The following TENM4 variants were observed in gnomAD, a reference collection of about 807,000 sequenced individuals.
The protein encoded by TENM4 is teneurin-4.
In TENM4, 82 loss-of-function variants were observed where a neutral mutation model predicts 243.3. The observed-to-expected ratio is 0.34, with a 90% CI of 0.28 to 0.40. The LOEUF (loss-of-function observed/expected upper bound fraction) is 0.40. Ranked by LOEUF, TENM4 falls within the 10% of genes least tolerant of loss-of-function variation. TENM4 has a pLI of 1.00. For missense variants in TENM4, 3,138 were observed against 3,673.3 expected (o/e 0.85, Z 3.77); for synonymous variants, 1,412 against 1,456.3 (o/e 0.97, Z 0.69).
chr11:79,080,827 G>T (rs771902219), intron 4 of TENM4, among the ~76,000 whole-genome samples: 1 of 152,144 alleles, frequency 6.6e-6, no homozygotes, highest in Non-Finnish European at 1.5e-5. Flanking sequence ...CAAGGGTCAG[G>T]CCTGAAACCC....
chr11:79,401,340 A>G (rs1041397284), intron 1 of TENM4, among the ~76,000 whole-genome samples: 1 of 152,198 alleles, frequency 6.6e-6, no homozygotes, highest in African/African-American at 2.4e-5. Context: ...CAGAAAGAAC[A>G]CAGTGCAACA....
At chr11:79,212,682 G>C (rs1456892600) in intron 3 of TENM4, among the ~76,000 whole-genome samples, 1 of 151,990 alleles carries the variant, frequency 6.6e-6, no homozygotes, top group Non-Finnish European at 1.5e-5. Context: ...GCTAACTCCA[G>C]GGCTCTCCAC....
In TENM4 at chr11:79,326,458, TC is replaced by T. The variant is rs958720904; in HGVS notation, c.-320-28916del. ...CCTTTTCTGCAAAGCAAGCATGGAC[TC>T]CCCATTCCAAACTAACCTCCCCCTC... On this transcript the variant is annotated intron_variant, in intron 1 of 33. Coordinates refer to ENST00000278550, the MANE Select transcript of TENM4 (RefSeq NM_001098816.3). Among the ~76,000 whole-genome samples the T allele has an allele frequency of 7.9e-5, 12 of 152,254 alleles. 1 individual carries two copies. In the South Asian group the frequency reaches 2.5e-3, roughly 32 times the overall value.
intron 6 of TENM4, among the ~76,000 whole-genome samples, chr11:78,965,397 C>T (rs989282464): frequency 2.6e-5 from 4 of 151,992 alleles, no homozygotes; most frequent in African/African-American, 4.8e-5. Context: ...AGCCAATATA[C>T]GTTGATTTCC....
intron 6 of TENM4, among the ~76,000 whole-genome samples, chr11:79,001,570 G>T (rs1858330126): frequency 6.6e-6 from 1 of 152,148 alleles, no homozygotes. Context: ...GAGCCCAAAG[G>T]GTTTGGTGCA....
intron 6 of TENM4, among the ~76,000 whole-genome samples, chr11:78,958,186 T>C (rs531383734): frequency 4.1e-4 from 62 of 152,342 alleles, no homozygotes; most frequent in Non-Finnish European, 7.1e-4. Flanking sequence ...CCTTATTAAA[T>C]GTCAATTCTC....
chr11:78,710,898 A>T (rs1202916453), intron 26 of TENM4, among the ~76,000 whole-genome samples: 1 of 152,214 alleles, frequency 6.6e-6, no homozygotes, highest in African/African-American at 2.4e-5. Context: ...ACAACTGAAA[A>T]GCCCTGGAGG....
intron 1 of TENM4, among the ~76,000 whole-genome samples, chr11:79,356,001 T>C (rs919445728): frequency 6.6e-5 from 10 of 152,178 alleles, no homozygotes; most frequent in African/African-American, 2.2e-4. Flanking sequence ...TCATATTACT[T>C]AGGTCTACTG....
intron 6 of TENM4, among the ~76,000 whole-genome samples, chr11:79,000,715 A>G (rs1243712465): frequency 1.3e-5 from 2 of 152,254 alleles, no homozygotes. Context: ...GAGAAATAAA[A>G]AAGACAGGGA....
At chr11:78,797,354 G>A (rs1857181766) in intron 15 of TENM4, among the ~76,000 whole-genome samples, 1 of 152,074 alleles carries the variant, frequency 6.6e-6, no homozygotes, top group Non-Finnish European at 1.5e-5. Context: ...TTTTTTTTAA[G>A]ATTACAAGTT....
At chr11:79,061,423 G>A (rs1860082727) in intron 6 of TENM4, among the ~76,000 whole-genome samples, 1 of 152,144 alleles carries the variant, frequency 6.6e-6, no homozygotes, top group Non-Finnish European at 1.5e-5. Context: ...AGTACAGTGA[G>A]GCTTTGAGTT....
At chr11:78,973,164 G>C (rs1170685060) in intron 6 of TENM4, among the ~76,000 whole-genome samples, 2 of 152,160 alleles carry the variant, frequency 1.3e-5, no homozygotes, top group Non-Finnish European at 2.9e-5. Flanking sequence ...ATACATTTCT[G>C]TGTGAGAGTA....
chr11:79,428,936 T>C lies in TENM4; in HGVS notation c.-321+11573A>G, dbSNP rs564923754. Among the ~76,000 whole-genome samples the C allele has an allele frequency of 2.0e-5, 3 of 152,312 alleles. No homozygotes were observed. The South Asian group carries it at 6.2e-4, about 32-fold the overall frequency. On this transcript the variant is annotated intron_variant, in intron 1 of 33. Transcript: ENST00000278550. ...TACCTTAGAATCACCTGGGCAGCTTTACAGAGTTCTGATGACTAGTTCCCA... is the reference window on the plus strand; with the variant it reads ...TACCTTAGAATCACCTGGGCAGCTTCACAGAGTTCTGATGACTAGTTCCCA...
chr11:78,822,946 C>T (rs533011062), intron 12 of TENM4, among the ~76,000 whole-genome samples: 7 of 152,304 alleles, frequency 4.6e-5, no homozygotes, highest in African/African-American at 7.2e-5. Flanking sequence ...ATAACAGTAT[C>T]GCATTATCAT....
chr11:78,783,299 T>C (rs1009875991), intron 16 of TENM4, among the ~76,000 whole-genome samples: 1 of 152,234 alleles, frequency 6.6e-6, no homozygotes, highest in Non-Finnish European at 1.5e-5. Context: ...CTGTCAATCA[T>C]ATACTTGAGA....
In TENM4 at chr11:79,091,858, C is replaced by T. The variant is rs192478348; in HGVS notation, c.-65-21849G>A. 4.4e-3 allele frequency among the ~76,000 whole-genome samples: 672 copies of T among 152,296 alleles called. 15 individuals are homozygous for T. The highest frequency in any genetic ancestry group is 0.022 in the Admixed American group (333 of 15,298). ...CATCTCCTGCATCCAAACCTTTGTA[C>T]GCATGCTGCCCTCCCCTAGAATAAC... On this transcript the variant is annotated intron_variant, in intron 4 of 33. Coordinates refer to ENST00000278550, the MANE Select transcript of TENM4 (RefSeq NM_001098816.3).
At chr11:79,313,026 T>C (rs1404577242) in intron 1 of TENM4, among the ~76,000 whole-genome samples, 2 of 152,182 alleles carry the variant, frequency 1.3e-5, no homozygotes, top group Non-Finnish European at 2.9e-5. Context: ...CTAGTCACTG[T>C]CAGAAATAAT....
intron 4 of TENM4, among the ~76,000 whole-genome samples, chr11:79,101,253 A>G (rs1233954501): frequency 6.6e-6 from 1 of 152,262 alleles, no homozygotes; most frequent in Non-Finnish European, 1.5e-5. Flanking sequence ...AATATTTTAA[A>G]AGAGATATAG....
intron 6 of TENM4, among the ~76,000 whole-genome samples, chr11:79,061,392 T>C (rs1415260698): frequency 6.6e-6 from 1 of 152,174 alleles, no homozygotes; most frequent in African/African-American, 2.4e-5. Flanking sequence ...GCCTACCTCC[T>C]CTGCCCACCC....
Sources: gnomAD v4.1 joint callset for allele counts (sites outside exome capture counted in the v4.1 genomes callset) on GRCh38, gnomAD v4.1.1 for gene constraint, MANE v1.5 for transcripts, NCBI Gene and HGNC (gene_info 2026-07-23, HGNC 2026-07-21) for gene names.